The following ITPR2 variants were observed in gnomAD, a reference collection of about 807,000 sequenced individuals.
ITPR2 encodes the protein inositol 1,4,5-trisphosphate-gated calcium channel ITPR2.
In ITPR2, 207 loss-of-function variants were observed where a neutral mutation model predicts 317.1. The observed-to-expected ratio is 0.65, with a 90% CI of 0.58 to 0.73. The LOEUF (loss-of-function observed/expected upper bound fraction) is 0.73. Among genes scored for constraint, ITPR2 ranks in the 30% least tolerant of loss-of-function variants. The pLI is 0.00. For synonymous variants in ITPR2, 1,156 were observed against 1,149.1 expected (o/e 1.01, Z -0.12); for missense variants, 2,613 against 3,284.0 (o/e 0.80, Z 4.99).
chr12:26,684,663 GT>G (rs1281978349), intron 11 of ITPR2, among the ~76,000 whole-genome samples: 1 of 152,162 alleles, frequency 6.6e-6, no homozygotes, highest in African/African-American at 2.4e-5. Flanking sequence ...GGCTTCCACA[GT>G]TCTGAAAAGT....
chr12:26,518,002 C>T (rs990682894), intron 37 of ITPR2, among the ~76,000 whole-genome samples: 4 of 152,202 alleles, frequency 2.6e-5, no homozygotes, highest in African/African-American at 9.6e-5. Flanking sequence ...CCATTTGACC[C>T]AGCAATCCTG....
intron 10 of ITPR2, among the ~76,000 whole-genome samples, chr12:26,688,043 A>AT (rs541268357): frequency 7.3e-5 from 11 of 150,598 alleles, no homozygotes; most frequent in East Asian, 3.9e-4. Flanking sequence ...ATACTTCTGA[A>AT]TTTTTTTTTT....
chr12:26,751,504 A>G (rs139147331), intron 2 of ITPR2, among the ~76,000 whole-genome samples: 3 of 152,154 alleles, frequency 2.0e-5, no homozygotes, highest in East Asian at 1.9e-4. Flanking sequence ...TTATTACTCT[A>G]TATATTCTGA....
In ITPR2 at chr12:26,624,557, A is replaced by G. The variant is rs185859439; in HGVS notation, c.3065-201T>C. 1.5e-4 allele frequency among the ~76,000 whole-genome samples: 23 copies of G among 152,318 alleles called. No homozygotes were observed. In the East Asian group the frequency reaches 4.4e-3, roughly 29 times the overall value. On this transcript the variant is annotated intron_variant, in intron 23 of 56. Coordinates refer to ENST00000381340, the MANE Select transcript of ITPR2 (RefSeq NM_002223.4). ...TCTTAAAAGAAAACATACAAATGGC[A>G]AACAGGTTTATGAAAAGGTGCTCAA... is the stretch of plus-strand genomic sequence containing the variant.
chr12:26,814,733 C>T (rs911932817), intron 1 of ITPR2, among the ~76,000 whole-genome samples: 2 of 152,050 alleles, frequency 1.3e-5, no homozygotes, highest in Non-Finnish European at 2.9e-5. Flanking sequence ...ACTAAGTTTC[C>T]AATAAACAGT....
At chr12:26,477,889 A>G (rs2136826445) in intron 43 of ITPR2, among the ~76,000 whole-genome samples, 1 of 152,292 alleles carries the variant, frequency 6.6e-6, no homozygotes, top group East Asian at 1.9e-4. Context: ...ATGAAATTAA[A>G]TATCCAGGAT....
At chr12:26,589,613 C>G (rs1261209793) in intron 32 of ITPR2, among the ~76,000 whole-genome samples, 2 of 149,940 alleles carry the variant, frequency 1.3e-5, no homozygotes, top group Non-Finnish European at 3.0e-5. Flanking sequence ...ATGGTGAAAC[C>G]CTGTCTCTAC....
intron 37 of ITPR2, among the ~76,000 whole-genome samples, chr12:26,507,145 T>G (rs896482235): frequency 6.6e-6 from 1 of 152,236 alleles, no homozygotes. Flanking sequence ...AATTGTGTTC[T>G]ACATGTAAAC....
At position 26,577,866 on chromosome 12, in the gene ITPR2, C is replaced by T. The variant is rs187603392; in HGVS notation, c.4630+847G>A. ...GTATGCTATAACCCTGGCCAAATTG[C>T]ATAACCTATAAAACTCTCTGTTTTC... On this transcript the variant is annotated intron_variant, in intron 34 of 56. Transcript: ENST00000381340. Among the ~76,000 whole-genome samples the T allele has an allele frequency of 8.7e-4, 133 of 152,264 alleles. 2 individuals carry two copies. Among genetic ancestry groups the T allele is most frequent in the Admixed American group, 8.0e-3 (122 of 15,286 alleles).
intron 39 of ITPR2, among the ~76,000 whole-genome samples, chr12:26,492,482 A>T (rs913371622): frequency 6.6e-6 from 1 of 151,304 alleles, no homozygotes; most frequent in Non-Finnish European, 1.5e-5. Flanking sequence ...AAAATCCTTC[A>T]CTTCTATCCA....
chr12:26,398,794 A>T, intron 54 of ITPR2, 82 bp downstream of exon 54: 1 of 1,203,890 alleles, frequency 8.3e-7, no homozygotes, highest in Non-Finnish European at 1.2e-6. Context: ...TTCCGAAAGC[A>T]TGAAAAATAA....
intron 2 of ITPR2, among the ~76,000 whole-genome samples, chr12:26,782,007 T>G (rs1565759536): frequency 3.9e-4 from 10 of 25,382 alleles, no homozygotes; most frequent in Non-Finnish European, 6.4e-4. Flanking sequence ...TATATATATA[T>G]ATATATATAT....
At chr12:26,530,503 T>A (rs932158216) in intron 37 of ITPR2, among the ~76,000 whole-genome samples, 1 of 152,348 alleles carries the variant, frequency 6.6e-6, no homozygotes, top group Admixed American at 6.5e-5. Flanking sequence ...GAAGTAAATG[T>A]AGGAAGAAGA....
rs148024843 is a variant in ITPR2, at chr12:26,686,120, A to G, written c.1148+361T>C. Reference sequence around the variant, plus strand: ...TATTTCTTGACTGATTGACTACATAAATGAACAAATGGATGAATGAAATGG... The same window carrying G: ...TATTTCTTGACTGATTGACTACATAGATGAACAAATGGATGAATGAAATGG... On this transcript the variant is annotated intron_variant, in intron 11 of 56. Coordinates refer to ENST00000381340, the MANE Select transcript of ITPR2 (RefSeq NM_002223.4). Among the ~76,000 whole-genome samples, 452 of 152,332 alleles carry G rather than the reference A, an allele frequency of 3.0e-3. 2 individuals are homozygous for G. Among genetic ancestry groups the G allele is most frequent in the African/African-American group, 0.01 (433 of 41,578 alleles).
intron 9 of ITPR2, among the ~76,000 whole-genome samples, chr12:26,709,839 A>C (rs1195982013): frequency 6.6e-6 from 1 of 152,210 alleles, no homozygotes; most frequent in East Asian, 1.9e-4. Context: ...TTACTTTAAA[A>C]CATTTACGCT....
At chr12:26,635,076 T>C (rs1238662292) in intron 21 of ITPR2, among the ~76,000 whole-genome samples, 2 of 152,190 alleles carry the variant, frequency 1.3e-5, no homozygotes, top group African/African-American at 2.4e-5. Flanking sequence ...GGGGAATACA[T>C]TGCTTTGTTC....
At chr12:26,485,190 G>A (rs1942639089) in intron 41 of ITPR2, among the ~76,000 whole-genome samples, 1 of 152,116 alleles carries the variant, frequency 6.6e-6, no homozygotes, top group African/African-American at 2.4e-5. Flanking sequence ...TAGTAAAAGG[G>A]TAAGCAGGGA....
intron 45 of ITPR2, among the ~76,000 whole-genome samples, chr12:26,454,706 TAGAG>T (rs898147197): frequency 6.6e-6 from 1 of 151,896 alleles, no homozygotes; most frequent in African/African-American, 2.4e-5. Flanking sequence ...TGGGAAAACT[TAGAG>T]AGCTCTTGTT....
intron 32 of ITPR2, among the ~76,000 whole-genome samples, chr12:26,582,683 G>T (rs1275500543): frequency 6.6e-6 from 1 of 151,540 alleles, no homozygotes; most frequent in Non-Finnish European, 1.5e-5. Flanking sequence ...AGATTTTTTT[G>T]GCATATTTCA....
Sources: allele counts gnomAD v4.1 joint callset (sites outside exome capture counted in the v4.1 genomes callset), GRCh38; gene constraint gnomAD v4.1.1; transcripts MANE v1.5; gene names NCBI Gene and HGNC (gene_info 2026-07-23, HGNC 2026-07-21).